The following SHISA6 variants were observed in gnomAD, a reference collection of about 807,000 sequenced individuals.
The protein encoded by SHISA6 is protein shisa-6.
SHISA6 carries 22 observed loss-of-function variants against 47.9 expected under a neutral mutation model. That is an observed-to-expected ratio of 0.46 (90% CI 0.33 to 0.66). SHISA6 has a LOEUF of 0.66. Ranked by LOEUF, SHISA6 falls within the 30% of genes least tolerant of loss-of-function variation. The pLI is 0.02. For missense variants in SHISA6, 680 were observed against 764.6 expected (o/e 0.89, Z 1.30); for synonymous variants, 388 against 337.8 (o/e 1.15, Z -1.63).
At chr17:11,523,592 G>A (rs1277697374) in intron 3 of SHISA6, among the ~76,000 whole-genome samples, 2 of 152,140 alleles carry the variant, frequency 1.3e-5, no homozygotes, top group Non-Finnish European at 2.9e-5. Context: ...CTGCCTGTGT[G>A]GGCGCCTGGC....
intron 3 of SHISA6, among the ~76,000 whole-genome samples, chr17:11,457,826 C>T (rs892092526): frequency 4.0e-5 from 6 of 151,776 alleles, no homozygotes; most frequent in South Asian, 2.1e-4. Context: ...TGGCTTATGC[C>T]TGTAATCCCA....
intron 3 of SHISA6, among the ~76,000 whole-genome samples, chr17:11,549,856 C>T (rs1253036492): frequency 6.6e-6 from 1 of 152,198 alleles, no homozygotes; most frequent in Non-Finnish European, 1.5e-5. Flanking sequence ...CTCTGGAGGA[C>T]AAGCAAGAAA....
chr17:11,349,327 T>A (rs990948197), intron 2 of SHISA6, among the ~76,000 whole-genome samples: 1 of 152,196 alleles, frequency 6.6e-6, no homozygotes, highest in South Asian at 2.1e-4. Flanking sequence ...AGAAACTATT[T>A]ATCAGCTCGT....
chr17:11,437,330 T>A (rs1053518948), intron 3 of SHISA6, among the ~76,000 whole-genome samples: 2 of 151,960 alleles, frequency 1.3e-5, no homozygotes, highest in Admixed American at 6.6e-5. Context: ...GATTTGAGAG[T>A]GAGGCATAAA....
intron 1 of SHISA6, among the ~76,000 whole-genome samples, chr17:11,256,879 C>T (rs1908029457): frequency 6.6e-6 from 1 of 152,180 alleles, no homozygotes. Flanking sequence ...TACCTGGCTC[C>T]CGGCTGGCCT....
At chr17:11,443,093 G>C (rs1300144052) in intron 3 of SHISA6, among the ~76,000 whole-genome samples, 3 of 152,220 alleles carry the variant, frequency 2.0e-5, no homozygotes. Context: ...AGGTATTTGA[G>C]TGGAGGTTGC....
chr17:11,518,982 G>A (rs1246452091), intron 3 of SHISA6, among the ~76,000 whole-genome samples: 1 of 152,102 alleles, frequency 6.6e-6, no homozygotes, highest in African/African-American at 2.4e-5. Flanking sequence ...ATCTCTGTCT[G>A]GAGCCATAGC....
chr17:11,294,348 G>C (rs1195689946), intron 2 of SHISA6, among the ~76,000 whole-genome samples: 1 of 152,142 alleles, frequency 6.6e-6, no homozygotes, highest in Non-Finnish European at 1.5e-5. Flanking sequence ...TTGTTTTTAA[G>C]TTAAACCAGA....
intron 3 of SHISA6, among the ~76,000 whole-genome samples, chr17:11,522,305 C>T (rs1476816641): frequency 6.6e-6 from 1 of 152,032 alleles, no homozygotes; most frequent in Non-Finnish European, 1.5e-5. Context: ...GCTTTGTCGC[C>T]CAGACTGGAG....
chr17:11,487,889 GC>G (rs1916390219), intron 3 of SHISA6, among the ~76,000 whole-genome samples: 1 of 152,130 alleles, frequency 6.6e-6, no homozygotes, highest in Non-Finnish European at 1.5e-5. Flanking sequence ...GCCGTAAAGT[GC>G]CTCTCAGTGA....
At chr17:11,422,325 G>A (rs543528859) in intron 3 of SHISA6, among the ~76,000 whole-genome samples, 2 of 152,282 alleles carry the variant, frequency 1.3e-5, no homozygotes, top group South Asian at 2.1e-4. Context: ...ACAGGGAGGT[G>A]CAAGACCATA....
At chr17:11,310,463 G>C (rs1910282368) in intron 2 of SHISA6, among the ~76,000 whole-genome samples, 1 of 152,170 alleles carries the variant, frequency 6.6e-6, no homozygotes, top group South Asian at 2.1e-4. Flanking sequence ...GCAATGCCCT[G>C]AGACTGGCCT....
At chr17:11,389,205 C>A (rs754777192) in intron 3 of SHISA6, among the ~76,000 whole-genome samples, 2 of 152,128 alleles carry the variant, frequency 1.3e-5, no homozygotes, top group Admixed American at 6.5e-5. Flanking sequence ...CTGTTTAATG[C>A]TTGTTTGTGG....
intron 1 of SHISA6, among the ~76,000 whole-genome samples, chr17:11,259,899 G>A (rs947517419): frequency 7.9e-5 from 12 of 152,210 alleles, no homozygotes; most frequent in African/African-American, 2.7e-4. Context: ...AAGCCTTGAA[G>A]TTAAATCCCT....
chr17:11,462,899 A>T (rs1156914622), intron 3 of SHISA6, among the ~76,000 whole-genome samples: 2 of 152,216 alleles, frequency 1.3e-5, no homozygotes, highest in Non-Finnish European at 2.9e-5. Flanking sequence ...AAGTGCTGGG[A>T]TTATAGCGTG....
chr17:11,327,005 G>T (rs941104026), intron 2 of SHISA6, among the ~76,000 whole-genome samples: 1 of 152,164 alleles, frequency 6.6e-6, no homozygotes, highest in Admixed American at 6.5e-5. Context: ...TGAACTCTGT[G>T]GACATGTTAA....
Position 11,558,495 on chromosome 17 carries a change from T to C in SHISA6, c.*191T>C. 1 of 627,482 alleles carries C rather than the reference T, an allele frequency of 1.6e-6. No homozygotes were observed. Among genetic ancestry groups the C allele is most frequent in the Admixed American group, 3.0e-5 (1 of 33,788 alleles). 38.9% of individuals were successfully genotyped at this position (627,482 alleles called of 1,614,324 possible). On this transcript the variant is annotated 3_prime_UTR_variant, in exon 6 of 6. Transcript: ENST00000441885. ...CCCCGATGGCCTGGTCCAATACACT[T>C]AGACCCAGGACCAAGAGCAATCGCT...
At chr17:11,458,083 T>TAA (rs56304029) in intron 3 of SHISA6, among the ~76,000 whole-genome samples, 10,459 of 114,314 alleles carry the variant, frequency 0.091, 627 homozygotes, top group African/African-American at 0.17. Flanking sequence ...AGACTCTGTC[T>TAA]AAAAAAAAAA....
chr17:11,262,349 G>C (rs908970709), intron 1 of SHISA6, among the ~76,000 whole-genome samples: 2 of 152,174 alleles, frequency 1.3e-5, no homozygotes, highest in African/African-American at 2.4e-5. Flanking sequence ...TCTTTGCCTG[G>C]CATGTGCAAA....
Sources: gnomAD v4.1 joint callset for allele counts (sites outside exome capture counted in the v4.1 genomes callset) on GRCh38, gnomAD v4.1.1 for gene constraint, MANE v1.5 for transcripts, NCBI Gene and HGNC (gene_info 2026-07-23, HGNC 2026-07-21) for gene names.